Variants in SNTB1 observed in about 807,000 individuals in gnomAD.
SNTB1 encodes the protein syntrophin beta 1.
Under a neutral mutation model 48.9 loss-of-function variants are expected in SNTB1, and 36 were observed. That is an observed-to-expected ratio of 0.74 (90% CI 0.56 to 0.97). The LOEUF (loss-of-function observed/expected upper bound fraction) is 0.97. Among genes scored for constraint, SNTB1 ranks in the 50% least tolerant of loss-of-function variants. The pLI is 0.00. For missense variants in SNTB1, 786 were observed against 703.4 expected, an observed-to-expected ratio of 1.12 and a Z score of -1.33; for synonymous variants, 299 against 294.6, an observed-to-expected ratio of 1.01 and a Z score of -0.15.
intron 1 of SNTB1, among the ~76,000 whole-genome samples, chr8:120,732,972 A>G (rs1818876033): frequency 6.6e-6 from 1 of 152,240 alleles, no homozygotes; most frequent in Non-Finnish European, 1.5e-5. Flanking sequence ...TGTTGCAAGG[A>G]GCAATATTAT....
chr8:120,617,482 A>G (rs1443351692), intron 3 of SNTB1, among the ~76,000 whole-genome samples: 1 of 152,168 alleles, frequency 6.6e-6, no homozygotes, highest in Non-Finnish European at 1.5e-5. Flanking sequence ...TAATCCACAG[A>G]TTTATAAATA....
At chr8:120,551,376 T>C (rs1815477277) in intron 4 of SNTB1, among the ~76,000 whole-genome samples, 1 of 152,024 alleles carries the variant, frequency 6.6e-6, no homozygotes. Context: ...AATTTTAACA[T>C]CTGTATCAGT....
At chr8:120,622,825 C>T (rs1284252647) in intron 3 of SNTB1, among the ~76,000 whole-genome samples, 5 of 152,162 alleles carry the variant, frequency 3.3e-5, no homozygotes, top group African/African-American at 4.8e-5. Context: ...GCCAAAATTC[C>T]CTTTGTTAGG....
chr8:120,585,357 T>C (rs1023343470), intron 3 of SNTB1, among the ~76,000 whole-genome samples: 1 of 152,190 alleles, frequency 6.6e-6, no homozygotes, highest in African/African-American at 2.4e-5. Context: ...GCCATGCTTC[T>C]CTTTGGAGCT....
intron 1 of SNTB1, among the ~76,000 whole-genome samples, chr8:120,757,065 T>G (rs76399672): frequency 6.6e-6 from 1 of 152,158 alleles, no homozygotes. Context: ...AGTTACTGTT[T>G]ATTGTACATC....
At position 120,811,915 on chromosome 8, in the gene SNTB1, GA is replaced by G. The variant is rs1820446469; in HGVS notation, c.-73del. On this transcript the variant is annotated 5_prime_UTR_variant, in exon 1 of 7. Coordinates refer to ENST00000517992, the MANE Select transcript of SNTB1 (RefSeq NM_021021.4). ...AGTGGGGAAGGGTGGCCGGGGGGAG[GA>G]CGCGGGGCCCGGGGGAGCGAGGAGA... The G allele has an allele frequency of 7.8e-7, 1 of 1,280,788 alleles. No homozygotes were observed. Among genetic ancestry groups the G allele is most frequent in the Non-Finnish European group, 9.9e-7 (1 of 1,015,118 alleles). The allele number at this position is 1,280,788 out of a possible 1,614,324, so 79.3% of individuals were successfully genotyped here. A position where few individuals can be genotyped will look rare whatever the true frequency, so the allele number is the denominator to read the frequency against.
At chr8:120,744,171 T>C (rs1819088439) in intron 1 of SNTB1, among the ~76,000 whole-genome samples, 2 of 150,168 alleles carry the variant, frequency 1.3e-5, no homozygotes, top group Admixed American at 1.4e-4. Context: ...GGTAATGGGA[T>C]GGGGAAATTC....
At chr8:120,611,821 C>CT (rs1229155000) in intron 3 of SNTB1, among the ~76,000 whole-genome samples, 1 of 62,660 alleles carries the variant, frequency 1.6e-5, no homozygotes, top group African/African-American at 6.1e-5. Context: ...GACTCTGTCT[C>CT]GAAAAAAAAA....
intron 1 of SNTB1, among the ~76,000 whole-genome samples, chr8:120,795,246 T>TA (rs34797724): frequency 4.0e-4 from 58 of 145,546 alleles, no homozygotes; most frequent in East Asian, 2.2e-3. Context: ...GTGGAGAAGT[T>TA]AAAAAAAAAA....
rs12335252 is a variant in SNTB1, at chr8:120,548,723, C to G, written c.1333+39G>C. ...CGGTGGAGTAGAGGGTTCATCTTCCCGTAACAATGTGTCCTTGGTAGCTCA... is the reference window on the plus strand; with the variant it reads ...CGGTGGAGTAGAGGGTTCATCTTCCGGTAACAATGTGTCCTTGGTAGCTCA... On this transcript the variant is annotated intron_variant, in intron 5 of 6. Coordinates refer to ENST00000517992, the MANE Select transcript of SNTB1 (RefSeq NM_021021.4). 9.9e-4 allele frequency: 1,573 copies of G among 1,592,766 alleles called. 13 individuals carry two copies. The African/African-American group carries it at 0.019, about 19-fold the overall frequency.
chr8:120,639,764 C>A (rs1164592205), intron 2 of SNTB1, among the ~76,000 whole-genome samples: 2 of 152,170 alleles, frequency 1.3e-5, no homozygotes, highest in Non-Finnish European at 2.9e-5. Flanking sequence ...CAGTACCATG[C>A]TGTTTTGGTT....
In SNTB1 at chr8:120,724,947, G is replaced by A. The variant is rs574467420; in HGVS notation, c.572-31039C>T. Among the ~76,000 whole-genome samples the A allele has an allele frequency of 8.5e-5, 13 of 152,326 alleles. 1 individual carries two copies. The South Asian group carries it at 2.7e-3, about 32-fold the overall frequency. ...ATTAAAAATGTGGCAGCTGCTCATG[G>A]GATTCCATGGCCCATGCCTTTGACC... On this transcript the variant is annotated intron_variant, in intron 1 of 6. Transcript: ENST00000517992.
At chr8:120,802,038 T>C (rs1820236475) in intron 1 of SNTB1, among the ~76,000 whole-genome samples, 2 of 152,120 alleles carry the variant, frequency 1.3e-5, no homozygotes, top group South Asian at 4.1e-4. Context: ...AGACTCCCCA[T>C]TGAAGACAGT....
chr8:120,542,732 A>G (rs868333705), intron 5 of SNTB1, among the ~76,000 whole-genome samples: 9 of 152,092 alleles, frequency 5.9e-5, no homozygotes, highest in Middle Eastern at 6.8e-3. Flanking sequence ...ACACACACGC[A>G]CACACACACA....
chr8:120,805,251 G>A lies in SNTB1; in HGVS notation c.571+6022C>T, dbSNP rs561156761. On this transcript the variant is annotated intron_variant, in intron 1 of 6. Transcript: ENST00000517992. ...CACCCTCTCCTCCAAACACACCCACGTCCTGGTCTTCTCCAGATCGTGTGA... is the reference window on the plus strand; with the variant it reads ...CACCCTCTCCTCCAAACACACCCACATCCTGGTCTTCTCCAGATCGTGTGA... Among the ~76,000 whole-genome samples the A allele has an allele frequency of 1.1e-3, 160 of 152,134 alleles. 1 individual carries two copies. The highest frequency in any genetic ancestry group is 3.7e-3 in the African/African-American group (152 of 41,468).
chr8:120,634,252 T>C (rs1817035961), intron 2 of SNTB1, among the ~76,000 whole-genome samples: 1 of 152,244 alleles, frequency 6.6e-6, no homozygotes, highest in African/African-American at 2.4e-5. Context: ...CAAAGCTCAA[T>C]AGAATTATCC....
intron 2 of SNTB1, among the ~76,000 whole-genome samples, chr8:120,639,929 C>T (rs1470644571): frequency 6.6e-6 from 1 of 151,946 alleles, no homozygotes; most frequent in Non-Finnish European, 1.5e-5. Context: ...TCATTGGTAG[C>T]TTGATGGGGA....
At chr8:120,719,798 A>G (rs767645647) in intron 1 of SNTB1, among the ~76,000 whole-genome samples, 2 of 152,098 alleles carry the variant, frequency 1.3e-5, no homozygotes, top group Non-Finnish European at 2.9e-5. Context: ...TGTCTGCTCT[A>G]CTCACTACAC....
At chr8:120,575,361 G>C in intron 3 of SNTB1, 136 bp from the exon 4 acceptor site, 2 of 945,614 alleles carry the variant, frequency 2.1e-6, no homozygotes, top group Non-Finnish European at 3.2e-6. Flanking sequence ...AAAATGGAAA[G>C]AACCTTGTCT....
Sources: gnomAD v4.1 joint callset for allele counts (sites outside exome capture counted in the v4.1 genomes callset) on GRCh38, gnomAD v4.1.1 for gene constraint, MANE v1.5 for transcripts, NCBI Gene and HGNC (gene_info 2026-07-23, HGNC 2026-07-21) for gene names.